The following TBL1X variants were observed in gnomAD, a reference collection of about 807,000 sequenced individuals.
TBL1X encodes the protein F-box-like/WD repeat-containing protein TBL1X.
TBL1X carries 10 observed loss-of-function variants against 50.7 expected under a neutral mutation model. That is an observed-to-expected ratio of 0.20 (90% CI 0.12 to 0.33). The LOEUF (loss-of-function observed/expected upper bound fraction) is 0.33. TBL1X is among the 10% of genes least tolerant of loss of function. TBL1X has a pLI of 1.00. For missense variants in TBL1X, 340 were observed against 504.4 expected, an observed-to-expected ratio of 0.67 and a Z score of 3.12; for synonymous variants, 190 against 214.7, an observed-to-expected ratio of 0.88 and a Z score of 1.01.
intron 7 of TBL1X, among the ~76,000 whole-genome samples, chrX:9,688,813 C>T (rs2083078161): frequency 8.8e-6 from 1 of 113,427 alleles, no homozygotes; most frequent in Admixed American, 9.2e-5. Context: ...CTTAGACATA[C>T]TGCTCTATAC....
chrX:9,705,593 A>G (rs1372760446), intron 13 of TBL1X, among the ~76,000 whole-genome samples: 2 of 110,153 alleles, frequency 1.8e-5, no homozygotes, highest in Non-Finnish European at 3.8e-5. Flanking sequence ...TGTCTCTACA[A>G]AAAATTTTAA....
intron 5 of TBL1X, among the ~76,000 whole-genome samples, chrX:9,661,093 T>G (rs1378418040): frequency 8.9e-6 from 1 of 112,483 alleles, no homozygotes; most frequent in African/African-American, 3.2e-5. Context: ...ACATGTTGTT[T>G]ATAAGCCACC....
chrX:9,650,903 T>C (rs2146596349), intron 3 of TBL1X, among the ~76,000 whole-genome samples: 1 of 111,230 alleles, frequency 9.0e-6, no homozygotes, highest in African/African-American at 3.3e-5. Context: ...TTCTTCAAAA[T>C]TAATTTCAAA....
chrX:9,514,505 C>G (rs1301696192), intron 2 of TBL1X, among the ~76,000 whole-genome samples: 3 of 112,093 alleles, frequency 2.7e-5, no homozygotes, highest in East Asian at 5.6e-4. Flanking sequence ...GTTTTGTTCT[C>G]CAAAGCCCCA....
intron 1 of TBL1X, among the ~76,000 whole-genome samples, chrX:9,481,768 A>G (rs2081884049): frequency 8.9e-6 from 1 of 112,117 alleles, no homozygotes; most frequent in Admixed American, 9.5e-5. Context: ...CCCAATTAAT[A>G]CAAGTATTTG....
At chrX:9,510,354 G>A (rs1445322415) in intron 2 of TBL1X, among the ~76,000 whole-genome samples, 1 of 112,299 alleles carries the variant, frequency 8.9e-6, no homozygotes, top group Non-Finnish European at 1.9e-5. Flanking sequence ...TGTGTGGAAC[G>A]CCTTGGACAC....
At chrX:9,470,881 G>A (rs1214150179) in intron 1 of TBL1X, among the ~76,000 whole-genome samples, 2 of 111,675 alleles carry the variant, frequency 1.8e-5, no homozygotes, top group South Asian at 3.7e-4. Context: ...TGATCCACTC[G>A]CCTCGGCCTC....
chrX:9,478,018 G>A (rs758093998), intron 1 of TBL1X, among the ~76,000 whole-genome samples: 6 of 111,887 alleles, frequency 5.4e-5, no homozygotes, highest in Admixed American at 4.7e-4. Flanking sequence ...AGGAAGGTGG[G>A]GAAAGGGGAA....
In TBL1X at chrX:9,549,610, G is replaced by A. The variant is rs903717782; in HGVS notation, c.-131+47761G>A. Among the ~76,000 whole-genome samples, 5 of 111,686 alleles carry A rather than the reference G, an allele frequency of 4.5e-5. No homozygotes were observed. The East Asian group carries it at 1.4e-3, about 31-fold the overall frequency. ...GTGGAATGAGAGCTTCCAAAAAGAT[G>A]CAGAAGACCGTGCATCCCAAGCGGT... On this transcript the variant is annotated intron_variant, in intron 2 of 17. Transcript: ENST00000645353.
chrX:9,475,123 CT>C (rs2081841699), intron 1 of TBL1X, among the ~76,000 whole-genome samples: 1 of 112,254 alleles, frequency 8.9e-6, no homozygotes, highest in Non-Finnish European at 1.9e-5. Context: ...ATCCGCCCAC[CT>C]TGGTCTCCCA....
intron 3 of TBL1X, among the ~76,000 whole-genome samples, chrX:9,643,233 G>A (rs1373932832): frequency 9.0e-6 from 1 of 111,049 alleles, no homozygotes; most frequent in African/African-American, 3.3e-5. Flanking sequence ...GGTGCTACTG[G>A]CATCTAGTGG....
intron 2 of TBL1X, among the ~76,000 whole-genome samples, chrX:9,569,348 CTGTGTG>C (rs1175094979): frequency 2.2e-5 from 2 of 90,640 alleles, no homozygotes; most frequent in South Asian, 5.1e-4. Context: ...GTGCAGTGTG[CTGTGTG>C]TGTGTGTGTG....
intron 2 of TBL1X, among the ~76,000 whole-genome samples, chrX:9,581,757 G>C (rs1460801666): frequency 8.9e-6 from 1 of 112,190 alleles, no homozygotes; most frequent in Non-Finnish European, 1.9e-5. Context: ...TCCTGTACTG[G>C]ACAGATATGC....
At chrX:9,556,814 GT>G (rs375510244) in intron 2 of TBL1X, among the ~76,000 whole-genome samples, 5 of 103,732 alleles carry the variant, frequency 4.8e-5, no homozygotes, top group East Asian at 3.0e-4. Flanking sequence ...TTTTGTTTTT[GT>G]TTTTTTTTTG....
Position 9,613,933 on chromosome X carries a change from C to G in TBL1X, c.-130-26340C>G, listed in dbSNP as rs1043067162. 1.4e-4 allele frequency among the ~76,000 whole-genome samples: 13 copies of G among 95,360 alleles called. No individual in the cohort carries two copies. In the Admixed American group the frequency reaches 1.6e-3, roughly 12 times the overall value. The allele number at this position is 95,360 out of a possible 115,157, so 82.8% of individuals were successfully genotyped here. A position where few individuals can be genotyped will look rare whatever the true frequency, so the allele number is the denominator to read the frequency against. On this transcript the variant is annotated intron_variant, in intron 2 of 17. Transcript: ENST00000645353. ...ACCGGGAGGCGGAGGTTGCAGTGAG[C>G]TGAGATTGCGCCACTGCACTCCAGC...
intron 2 of TBL1X, among the ~76,000 whole-genome samples, chrX:9,583,502 T>C (rs5978330): frequency 0.49 from 53,477 of 110,200 alleles, 10,179 homozygotes; most frequent in African/African-American, 0.7. Flanking sequence ...TGTAGGGTTT[T>C]CTTAAGATTA....
At chrX:9,651,585 T>C (rs2082836123) in intron 3 of TBL1X, among the ~76,000 whole-genome samples, 1 of 112,666 alleles carries the variant, frequency 8.9e-6, no homozygotes, top group Non-Finnish European at 1.9e-5. Context: ...GATAGATTTT[T>C]GTTGTTTTAT....
chrX:9,565,477 G>A (rs760629600), intron 2 of TBL1X, among the ~76,000 whole-genome samples: 4 of 110,816 alleles, frequency 3.6e-5, no homozygotes, highest in South Asian at 3.8e-4. Context: ...GTGAAAATCA[G>A]TAAGTGATAT....
intron 2 of TBL1X, among the ~76,000 whole-genome samples, chrX:9,513,865 G>A (rs748971278): frequency 7.9e-4 from 86 of 108,829 alleles, no homozygotes; most frequent in Non-Finnish European, 1.4e-3. Context: ...TTTGCTCATA[G>A]CAGAAGGCAA....
Sources: gnomAD v4.1 joint callset for allele counts (sites outside exome capture counted in the v4.1 genomes callset) on GRCh38, gnomAD v4.1.1 for gene constraint, MANE v1.5 for transcripts, NCBI Gene and HGNC (gene_info 2026-07-23, HGNC 2026-07-21) for gene names.